The following ATP13A4 variants were observed in gnomAD, a reference collection of about 807,000 sequenced individuals.
ATP13A4 encodes the protein probable cation-transporting ATPase 13A4.
ATP13A4 carries 114 observed loss-of-function variants against 142.5 expected under a neutral mutation model. The observed-to-expected ratio is 0.80, with a 90% CI of 0.69 to 0.93. ATP13A4 has a LOEUF of 0.93. Ranked by LOEUF, ATP13A4 falls within the 40% of genes least tolerant of loss-of-function variation. ATP13A4 has a pLI of 0.00. For missense variants in ATP13A4, 1,392 were observed against 1,454.0 expected (o/e 0.96, Z 0.69); for synonymous variants, 488 against 514.8 (o/e 0.95, Z 0.70).
chr3:193,499,251 C>T (rs935636497), intron 3 of ATP13A4, among the ~76,000 whole-genome samples: 1 of 152,310 alleles, frequency 6.6e-6, no homozygotes, highest in South Asian at 2.1e-4. Context: ...GAATGACACA[C>T]AATCTCTCTC....
rs992352127 is a variant in ATP13A4 at position 193,548,773 on chromosome 3, A to G, written c.60+5967T>C. 5.9e-5 allele frequency among the ~76,000 whole-genome samples: 9 copies of G among 152,302 alleles called. No individual in the cohort carries two copies. In the East Asian group the frequency reaches 1.7e-3, roughly 29 times the overall value. Reference sequence around the variant, plus strand: ...TGCTGAAGGCATGACAGGACTTCCAATGTGGTAACGACCACACACCACCCT... The same window carrying G: ...TGCTGAAGGCATGACAGGACTTCCAGTGTGGTAACGACCACACACCACCCT... On this transcript the variant is annotated intron_variant, in intron 1 of 29. Coordinates refer to ENST00000342695, the MANE Select transcript of ATP13A4 (RefSeq NM_032279.4).
chr3:193,482,139 C>T (rs1719330886), intron 8 of ATP13A4, among the ~76,000 whole-genome samples: 2 of 152,042 alleles, frequency 1.3e-5, no homozygotes, highest in South Asian at 2.1e-4. Context: ...GATAGATCCA[C>T]CTATATGTGA....
intron 10 of ATP13A4, 81 bp downstream of exon 10, chr3:193,467,235 C>A (rs1718344292): frequency 6.9e-7 from 1 of 1,443,744 alleles, no homozygotes; most frequent in African/African-American, 1.4e-5. Flanking sequence ...AACAGCTTCT[C>A]TTTACCTAAT....
chr3:193,436,993 A>G (rs1312317346), intron 23 of ATP13A4, among the ~76,000 whole-genome samples: 1 of 147,002 alleles, frequency 6.8e-6, no homozygotes, highest in Non-Finnish European at 1.5e-5. Flanking sequence ...AGTCCCAGCT[A>G]CTTGGGAGGC....
chr3:193,474,337 A>C (rs1382789086), intron 8 of ATP13A4, among the ~76,000 whole-genome samples: 1 of 148,632 alleles, frequency 6.7e-6, no homozygotes, highest in Non-Finnish European at 1.5e-5. Context: ...AAAAAAAAAA[A>C]AAAAAAAAAA....
intron 28 of ATP13A4, among the ~76,000 whole-genome samples, chr3:193,410,081 A>C (rs1200842141): frequency 2.0e-5 from 3 of 152,192 alleles, no homozygotes; most frequent in Non-Finnish European, 2.9e-5. Context: ...TAAAAGTAGG[A>C]TAGGTTAAGG....
At chr3:193,586,131 G>A (rs960196197) in intron 1 of ATP13A4, among the ~76,000 whole-genome samples, 2 of 150,970 alleles carry the variant, frequency 1.3e-5, no homozygotes, top group Non-Finnish European at 3.0e-5. Context: ...ACACACACAC[G>A]CATATCGTCC....
chr3:193,502,227 A>T (rs1427596717), intron 3 of ATP13A4, among the ~76,000 whole-genome samples: 3 of 152,226 alleles, frequency 2.0e-5, no homozygotes, highest in African/African-American at 7.2e-5. Context: ...TTCTAAATTT[A>T]TTGAATTTTA....
At chr3:193,455,541 C>T (rs2108634892) in intron 16 of ATP13A4, among the ~76,000 whole-genome samples, 1 of 152,162 alleles carries the variant, frequency 6.6e-6, no homozygotes, top group Non-Finnish European at 1.5e-5. Context: ...ACAGCAGATG[C>T]TGGTGAGGTT....
intron 8 of ATP13A4, among the ~76,000 whole-genome samples, chr3:193,472,168 C>T (rs1718665742): frequency 6.6e-6 from 1 of 152,220 alleles, no homozygotes; most frequent in African/African-American, 2.4e-5. Context: ...TCCATGGTTT[C>T]GGTTACCTGC....
At chr3:193,512,273 A>C (rs1301637974) in intron 2 of ATP13A4, among the ~76,000 whole-genome samples, 1 of 152,148 alleles carries the variant, frequency 6.6e-6, no homozygotes, top group Non-Finnish European at 1.5e-5. Flanking sequence ...TTGATCTATA[A>C]AAGGGCCCAA....
rs768745354 is a variant in ATP13A4, at chr3:193,402,544, C to T, written c.*108G>A. 3.3e-5 allele frequency: 23 copies of T among 704,456 alleles called. No homozygotes were observed. The highest frequency in any genetic ancestry group is 5.2e-5 in the Non-Finnish European group (20 of 386,332). The allele number at this position is 704,456 out of a possible 1,614,324, so 43.6% of individuals were successfully genotyped here. A position where few individuals can be genotyped will look rare whatever the true frequency, so the allele number is the denominator to read the frequency against. Reference sequence around the variant, plus strand: ...TTTGTCACCATGATTTGATAGGTAGCCCCAAAACTCCAGCTGATGTTACAA... The same window carrying T: ...TTTGTCACCATGATTTGATAGGTAGTCCCAAAACTCCAGCTGATGTTACAA... On this transcript the variant is annotated 3_prime_UTR_variant, in exon 30 of 30. Coordinates refer to ENST00000342695, the MANE Select transcript of ATP13A4 (RefSeq NM_032279.4).
At chr3:193,548,118 G>A (rs1373628394) in intron 1 of ATP13A4, among the ~76,000 whole-genome samples, 1 of 152,114 alleles carries the variant, frequency 6.6e-6, no homozygotes, top group East Asian at 1.9e-4. Context: ...TGGGGGAGAG[G>A]AGGACTAATT....
In ATP13A4 at chr3:193,438,216, A is replaced by G. The variant is rs114861111; in HGVS notation, c.2672+259T>C. Among the ~76,000 whole-genome samples the G allele has an allele frequency of 3.3e-3, 507 of 152,294 alleles. 5 individuals carry two copies. The highest frequency in any genetic ancestry group is 0.012 in the African/African-American group (489 of 41,562). On this transcript the variant is annotated intron_variant, in intron 23 of 29. Transcript: ENST00000342695. ...AAAATGGGGATGATTGACACTTTCA[A>G]AGCAATAACAAGTTCCAGATTCCAA...
chr3:193,494,524 A>G (rs1720119394), intron 3 of ATP13A4, among the ~76,000 whole-genome samples: 1 of 152,078 alleles, frequency 6.6e-6, no homozygotes. Context: ...GCTCCTGAAC[A>G]ACCAATTGGT....
intron 1 of ATP13A4, among the ~76,000 whole-genome samples, chr3:193,515,370 G>A (rs1721350865): frequency 6.6e-6 from 1 of 152,196 alleles, no homozygotes; most frequent in South Asian, 2.1e-4. Context: ...CCTTGGCTGG[G>A]ATCAGCAGAC....
intron 8 of ATP13A4, among the ~76,000 whole-genome samples, chr3:193,473,785 A>G (rs1718754403): frequency 6.6e-6 from 1 of 152,210 alleles, no homozygotes; most frequent in African/African-American, 2.4e-5. Context: ...ACTGAAGGAC[A>G]TTCTATAAAA....
At chr3:193,474,569 G>C (rs934321395) in intron 8 of ATP13A4, among the ~76,000 whole-genome samples, 1 of 142,192 alleles carries the variant, frequency 7.0e-6, no homozygotes, top group African/African-American at 2.6e-5. Flanking sequence ...AAGAGAGAGA[G>C]AAAGAAGGAA....
In ATP13A4 at chr3:193,472,727, G is replaced by A. The variant is rs1470158162; in HGVS notation, c.809-1734C>T. On this transcript the variant is annotated intron_variant, in intron 8 of 29. Transcript: ENST00000342695. Reference sequence around the variant, plus strand: ...GGAACAGAAACGTGTTCCAAATGACGGTGATCAGACTCAGTACTACCCATG... The same window carrying A: ...GGAACAGAAACGTGTTCCAAATGACAGTGATCAGACTCAGTACTACCCATG... Among the ~76,000 whole-genome samples the A allele has an allele frequency of 3.9e-5, 6 of 152,146 alleles. No individual in the cohort carries two copies. In the South Asian group the frequency reaches 6.2e-4, roughly 16 times the overall value.
Sources: allele counts gnomAD v4.1 joint callset (sites outside exome capture counted in the v4.1 genomes callset), GRCh38; gene constraint gnomAD v4.1.1; transcripts MANE v1.5; gene names NCBI Gene and HGNC (gene_info 2026-07-23, HGNC 2026-07-21).